RUNX3: variants seen among roughly 807,000 people sequenced by gnomAD.
RUNX3 encodes the protein RUNX family transcription factor 3, also known as runt-related transcription factor 3.
In RUNX3, 10 loss-of-function variants were observed where a neutral mutation model predicts 27.7. The observed-to-expected ratio is 0.36, with a 90% CI of 0.22 to 0.61. The LOEUF is 0.61. Ranked by LOEUF, RUNX3 falls within the 20% of genes least tolerant of loss-of-function variation. The probability of loss-of-function intolerance (pLI) is 0.72; values close to 1 mark genes in which losing one functional copy is unlikely to be tolerated. For synonymous variants in RUNX3, 270 were observed against 269.2 expected, an observed-to-expected ratio of 1.00 and a Z score of -0.03; for missense variants, 469 against 629.5, an observed-to-expected ratio of 0.75 and a Z score of 2.73.
chr1:24,900,887 G>A lies in RUNX3; in HGVS notation c.*1235C>T, dbSNP rs1490572301. 6.6e-6 allele frequency: 1 copy of A among 152,154 alleles called. No individual in the cohort carries two copies. Among genetic ancestry groups the A allele is most frequent in the East Asian group, 1.9e-4 (1 of 5,216 alleles). 9.4% of individuals were successfully genotyped at this position (152,154 alleles called of 1,614,324 possible). On this transcript the variant is annotated 3_prime_UTR_variant, in exon 5 of 5. Coordinates refer to ENST00000308873, the MANE Select transcript of RUNX3 (RefSeq NM_004350.3). ...GAGGCAGCTGGGGGTCCGCGGGGGG[G>A]AGAGGGGGCGGGGATGTTGCTTATA...
intron 2 of RUNX3, among the ~76,000 whole-genome samples, chr1:24,951,278 G>GT (rs1379285492): frequency 2.6e-5 from 4 of 151,182 alleles, no homozygotes; most frequent in African/African-American, 9.7e-5. Flanking sequence ...TTCCCTGCAT[G>GT]TGTTGCCATG....
In RUNX3 at chr1:24,902,648, G is replaced by A. The variant is rs1442286072; in HGVS notation, c.722C>T (p.Pro241Leu). 6.6e-7 allele frequency: 1 copy of A among 1,526,440 alleles called. No homozygotes were observed. Among genetic ancestry groups the A allele is most frequent in the Non-Finnish European group, 8.8e-7 (1 of 1,134,394 alleles). The allele number at this position is 1,526,440 out of a possible 1,614,324, so 94.6% of individuals were successfully genotyped here. ...GTCAAACTGGCGGGGGTCGGAGAAT[G>A]GGTTCAGTTCCGAGGTGCCTGGAGG... is the stretch of plus-strand genomic sequence containing the variant. ...TPIQGTSELN[P>L]FSDPRQFDRS... Residue 241 changes from proline (P) to leucine (L), a missense_variant, in exon 5 of 5, where the codon CCA (proline) becomes CTA (leucine). Pro to Leu is a moderately conservative substitution (Grantham distance 98, BLOSUM62 -3). This residue lies in a region of RUNX3 where 279 missense variants were observed against 343.0 expected (regional missense o/e 0.81). Transcript: ENST00000308873. This position sits in a 1 kb window ranked among gnomAD's most constrained non-coding sequence, Gnocchi z 9.2.
At chr1:24,949,968 C>G (rs1382362874) in intron 2 of RUNX3, among the ~76,000 whole-genome samples, 1 of 152,316 alleles carries the variant, frequency 6.6e-6, no homozygotes, top group Middle Eastern at 3.4e-3. Context: ...GGCCCTGGAA[C>G]CCCAGGAGAC....
intron 1 of RUNX3, chr1:24,928,666 G>T: frequency 5.3e-6 from 1 of 190,288 alleles, no homozygotes; most frequent in Non-Finnish European, 1.1e-5. Context: ...CCGATCTGAC[G>T]ATTAAAGTCA....
In RUNX3 at chr1:24,916,965, C is replaced by T. The variant is rs547076656; in HGVS notation, c.544+2275G>A. Among the ~76,000 whole-genome samples the T allele has an allele frequency of 3.3e-5, 5 of 152,286 alleles. No individual in the cohort carries two copies. Among genetic ancestry groups the T allele is most frequent in the South Asian group, 4.1e-4 (2 of 4,822 alleles). The stretch of plus-strand genomic sequence containing the variant: ...AGGGGCCATCTCAGGTCTGGGAGAC[C>T]CAGGCAGGGAAGAGCAGGCAGGGGA... On this transcript the variant is annotated intron_variant, in intron 3 of 4. Coordinates refer to ENST00000308873, the MANE Select transcript of RUNX3 (RefSeq NM_004350.3). This position sits in a 1 kb window ranked among gnomAD's most constrained non-coding sequence, Gnocchi z 4.8.
At chr1:24,924,403 T>C (rs549878014) in intron 2 of RUNX3, among the ~76,000 whole-genome samples, 1 of 144,554 alleles carries the variant, frequency 6.9e-6, no homozygotes, top group African/African-American at 2.5e-5. Flanking sequence ...GTCATGAACC[T>C]AACTCAGTTT....
At chr1:24,940,742 A>AC (rs1459190399) in intron 2 of RUNX3, among the ~76,000 whole-genome samples, 1 of 151,850 alleles carries the variant, frequency 6.6e-6, no homozygotes, top group African/African-American at 2.4e-5. Flanking sequence ...CAAAAAAAAA[A>AC]AAAAAAATCA....
rs946916539 is a variant in RUNX3, at chr1:24,943,042, C to T, written c.59-13190G>A. On this transcript the variant is annotated intron_variant, in intron 2 of 6. Transcript: ENST00000338888. The surrounding 1 kb of genome is among the most constrained non-coding windows in gnomAD (Gnocchi z 4.6). ...CTGGGCGGGGGTCCGGAGCGGAAGG[C>T]GCCCAGCCCTGATTGGAACAAGGTG... Among the ~76,000 whole-genome samples, 5 of 152,334 alleles carry T rather than the reference C, an allele frequency of 3.3e-5. No homozygotes were observed. Among genetic ancestry groups the T allele is most frequent in the South Asian group, 2.1e-4 (1 of 4,826 alleles).
intron 2 of RUNX3, 127 bp from the exon 3 acceptor site, chr1:24,919,471 C>A: frequency 1.6e-6 from 1 of 607,626 alleles, no homozygotes; most frequent in East Asian, 3.2e-5. Flanking sequence ...CCTCTTTGAA[C>A]ATGGGCAGAA....
Position 24,930,075 on chromosome 1 carries a change from C to T in RUNX3, c.-207G>A. On this transcript the variant is annotated 5_prime_UTR_variant, in exon 1 of 5. Transcript: ENST00000308873. This position sits in a 1 kb window ranked among gnomAD's most constrained non-coding sequence, Gnocchi z 4.1. The stretch of plus-strand genomic sequence containing the variant: ...GAGGCCTCGCTGGCCCGACGGCCGC[C>T]CGCAGCCTGCCCGGCTAGTCCCGCA... The T allele has an allele frequency of 5.1e-6, 5 of 980,226 alleles. No individual in the cohort carries two copies. The highest frequency in any genetic ancestry group is 6.0e-6 in the Non-Finnish European group (5 of 827,882). 60.7% of individuals were successfully genotyped at this position (980,226 alleles called of 1,614,324 possible).
At chr1:24,912,397 G>GC (rs1331277954) in intron 3 of RUNX3, among the ~76,000 whole-genome samples, 3 of 152,048 alleles carry the variant, frequency 2.0e-5, no homozygotes, top group Non-Finnish European at 4.4e-5. Context: ...AATATTCTCT[G>GC]CCCCCCACTC....
At chr1:24,910,072 T>C (rs561521907) in intron 3 of RUNX3, among the ~76,000 whole-genome samples, 1 of 151,898 alleles carries the variant, frequency 6.6e-6, no homozygotes, top group Non-Finnish European at 1.5e-5. Context: ...ATCACCTGAG[T>C]GAGGTCAGGA....
chr1:24,930,407 C>T (rs1641198922), upstream of RUNX3: 6 of 201,416 alleles, frequency 3.0e-5, no homozygotes, highest in Non-Finnish European at 5.3e-5. This position sits in a 1 kb window ranked among gnomAD's most constrained non-coding sequence, Gnocchi z 4.1. Flanking sequence ...CGGGGAGGAA[C>T]GGGGCCTGCC....
intron 4 of RUNX3, among the ~76,000 whole-genome samples, chr1:24,903,314 C>A (rs1640603343): frequency 6.6e-6 from 1 of 152,210 alleles, no homozygotes; most frequent in Admixed American, 6.5e-5. Context: ...ACTGAGTTCA[C>A]AGGAGCTCTG....
intron 3 of RUNX3, among the ~76,000 whole-genome samples, chr1:24,910,489 AG>A (rs1272852909): frequency 6.6e-6 from 1 of 152,082 alleles, no homozygotes; most frequent in Admixed American, 6.5e-5. Context: ...AAGTGGGAAA[AG>A]CCTGTCGACC....
upstream of RUNX3, chr1:24,930,338 G>T: frequency 1.8e-6 from 1 of 571,190 alleles, no homozygotes; most frequent in Non-Finnish European, 2.2e-6. The surrounding 1 kb of genome is among the most constrained non-coding windows in gnomAD (Gnocchi z 4.1). Context: ...GGCTGGCGGA[G>T]CGACGCGTCG....
intron 2 of RUNX3, among the ~76,000 whole-genome samples, chr1:24,926,966 G>A (rs1449129018): frequency 6.6e-6 from 1 of 150,686 alleles, no homozygotes; most frequent in Non-Finnish European, 1.5e-5. Flanking sequence ...CTCAAGGTCG[G>A]TCAGACAGGC....
At chr1:24,955,627 C>T (rs1013824171) in intron 2 of RUNX3, among the ~76,000 whole-genome samples, 3 of 152,180 alleles carry the variant, frequency 2.0e-5, no homozygotes, top group South Asian at 2.1e-4. Flanking sequence ...AAGGTCTGGG[C>T]TGAATCTCGA....
chr1:24,929,446 C>G (rs375758706), intron 1 of RUNX3, 141 bp downstream of exon 1: 19 of 858,608 alleles, frequency 2.2e-5, no homozygotes, highest in South Asian at 2.0e-4. Context: ...GAGCGCGCAG[C>G]CAGACTGAAC....
Sources: allele counts gnomAD v4.1 joint callset (sites outside exome capture counted in the v4.1 genomes callset), GRCh38; gene constraint gnomAD v4.1.1; regional missense constraint gnomAD v4.1.1; non-coding constraint Gnocchi (gnomAD v3.1); transcripts MANE v1.5; gene names NCBI Gene and HGNC (gene_info 2026-07-23, HGNC 2026-07-21).